NRXN1: variants seen among roughly 807,000 people sequenced by gnomAD.
The protein encoded by NRXN1 is neurexin 1.
A neutral mutation model predicts 150.9 loss-of-function variants in NRXN1; 39 were observed. That is an observed-to-expected ratio of 0.26 (90% confidence interval 0.20 to 0.34). The LOEUF is 0.34. NRXN1 is among the 10% of genes least tolerant of loss of function. The pLI is 1.00. For synonymous variants in NRXN1, 924 were observed against 757.0 expected, an observed-to-expected ratio of 1.22 and a Z score of -3.62; for missense variants, 1,815 against 1,949.9, an observed-to-expected ratio of 0.93 and a Z score of 1.30.
chr2:50,917,477 C>A (rs1213690137), intron 5 of NRXN1: 1 of 151,660 alleles, frequency 6.6e-6, no homozygotes, highest in Admixed American at 6.6e-5. Flanking sequence ...AAATAAAAAT[C>A]ATGGAAACTG....
chr2:50,700,451 G>T (rs575016674), intron 5 of NRXN1, among the ~76,000 whole-genome samples: 2 of 152,178 alleles, frequency 1.3e-5, no homozygotes, highest in East Asian at 1.9e-4. Flanking sequence ...AAAAAATGTA[G>T]GTGAAATTTT....
chr2:50,947,783 T>C (rs1181396005), intron 2 of NRXN1, among the ~76,000 whole-genome samples: 1 of 152,016 alleles, frequency 6.6e-6, no homozygotes, highest in African/African-American at 2.4e-5. Context: ...TTTCCCTCAT[T>C]TCCAGTGAAA....
At chr2:50,295,028 T>G (rs552615676) in intron 17 of NRXN1, among the ~76,000 whole-genome samples, 5 of 152,324 alleles carry the variant, frequency 3.3e-5, no homozygotes, top group African/African-American at 1.2e-4. Flanking sequence ...TATTAACTAT[T>G]GGAAACACTC....
chr2:50,514,986 C>T (rs548661088), intron 12 of NRXN1, among the ~76,000 whole-genome samples: 36 of 152,194 alleles, frequency 2.4e-4, no homozygotes, highest in African/African-American at 7.5e-4. Flanking sequence ...GCCCGGGCTC[C>T]CCACCCCCCA....
In NRXN1 at chr2:50,738,844, T is replaced by A. The variant is rs1361884320; in HGVS notation, c.833-115229A>T. The stretch of plus-strand genomic sequence containing the variant: ...AGGCAAGAACCTTGGGCTCCAGAGG[T>A]TAAAGGGTAGCATCCTGATGCCATA... On this transcript the variant is annotated intron_variant, in intron 5 of 22. Transcript: ENST00000401669. 3.3e-5 allele frequency among the ~76,000 whole-genome samples: 5 copies of A among 151,786 alleles called. 1 individual carries two copies. Among genetic ancestry groups the A allele is most frequent in the Admixed American group, 3.3e-4 (5 of 15,232 alleles).
intron 22 of NRXN1, among the ~76,000 whole-genome samples, chr2:49,938,402 A>C (rs1428642809): frequency 6.6e-6 from 1 of 152,186 alleles, no homozygotes; most frequent in Admixed American, 6.5e-5. Flanking sequence ...TGTAATCTGA[A>C]CCTTGATCAA....
At chr2:50,610,012 A>G (rs747165601) in intron 8 of NRXN1, among the ~76,000 whole-genome samples, 2 of 152,146 alleles carry the variant, frequency 1.3e-5, no homozygotes, top group Non-Finnish European at 2.9e-5. Context: ...AAAGCAATTA[A>G]TTTGTTTTAA....
chr2:50,654,204 C>T (rs28534690), intron 5 of NRXN1, among the ~76,000 whole-genome samples: 167 of 31,842 alleles, frequency 5.2e-3, no homozygotes, highest in Middle Eastern at 0.011. Context: ...CAACAGGCCC[C>T]AGTGTGATGT....
At chr2:50,794,891 C>T (rs1235929790) in intron 5 of NRXN1, among the ~76,000 whole-genome samples, 1 of 152,078 alleles carries the variant, frequency 6.6e-6, no homozygotes, top group Non-Finnish European at 1.5e-5. Flanking sequence ...CAGACTCTTA[C>T]AGTGAAAATA....
At chr2:50,067,151 T>C (rs189984087) in intron 19 of NRXN1, among the ~76,000 whole-genome samples, 116 of 152,288 alleles carry the variant, frequency 7.6e-4, no homozygotes, top group African/African-American at 2.6e-3. Context: ...ATGTTGGGCG[T>C]AGAAGGCTGC....
At chr2:50,892,510 A>G (rs891428012) in intron 5 of NRXN1, among the ~76,000 whole-genome samples, 2 of 152,168 alleles carry the variant, frequency 1.3e-5, no homozygotes, top group African/African-American at 4.8e-5. Context: ...GTCATCTTAC[A>G]GAGGCAGTAA....
intron 19 of NRXN1, among the ~76,000 whole-genome samples, chr2:50,086,492 C>G (rs1417556849): frequency 1.3e-5 from 2 of 152,166 alleles, no homozygotes; most frequent in Non-Finnish European, 2.9e-5. Flanking sequence ...CTCTCTTTCT[C>G]TCAGATCCTC....
intron 18 of NRXN1, among the ~76,000 whole-genome samples, chr2:50,093,457 T>C (rs1213336881): frequency 2.0e-5 from 1 of 51,222 alleles, no homozygotes; most frequent in African/African-American, 1.1e-4. Flanking sequence ...TCTTTACTAT[T>C]AAAAAAAAAG....
At chr2:50,037,369 A>G (rs1362878330) in intron 21 of NRXN1, among the ~76,000 whole-genome samples, 2 of 152,156 alleles carry the variant, frequency 1.3e-5, no homozygotes, top group Non-Finnish European at 2.9e-5. Flanking sequence ...GAATATGGCT[A>G]ATAACCAAAA....
chr2:50,364,722 G>T (rs2079466856), intron 17 of NRXN1, among the ~76,000 whole-genome samples: 1 of 152,084 alleles, frequency 6.6e-6, no homozygotes, highest in African/African-American at 2.4e-5. Flanking sequence ...GAAGAGTAAA[G>T]GTGGGTCTTT....
chr2:50,158,239 C>T (rs1234019861), intron 18 of NRXN1, among the ~76,000 whole-genome samples: 2 of 151,626 alleles, frequency 1.3e-5, no homozygotes, highest in African/African-American at 2.4e-5. Flanking sequence ...TTCTATAAGT[C>T]TGTGGAGCGT....
intron 5 of NRXN1, among the ~76,000 whole-genome samples, chr2:50,635,258 C>T (rs999871255): frequency 6.6e-5 from 10 of 151,574 alleles, no homozygotes; most frequent in Admixed American, 2.6e-4. Flanking sequence ...CCCGGGTTCA[C>T]GCCATTCTCC....
At chr2:50,841,763 C>T (rs1271512699) in intron 5 of NRXN1, among the ~76,000 whole-genome samples, 2 of 152,108 alleles carry the variant, frequency 1.3e-5, no homozygotes, top group Non-Finnish European at 2.9e-5. Context: ...CGAGAAATTG[C>T]CACAGATTAT....
At chr2:50,447,043 A>C (rs1453745172) in intron 17 of NRXN1, among the ~76,000 whole-genome samples, 1 of 152,170 alleles carries the variant, frequency 6.6e-6, no homozygotes, top group East Asian at 1.9e-4. Flanking sequence ...AGATCTCTCT[A>C]ATAATGACTG....
Sources: allele counts gnomAD v4.1 joint callset (sites outside exome capture counted in the v4.1 genomes callset), GRCh38; gene constraint gnomAD v4.1.1; transcripts MANE v1.5; gene names NCBI Gene and HGNC (gene_info 2026-07-23, HGNC 2026-07-21).